Variants in ZNF124 observed in about 807,000 individuals in gnomAD.
The protein encoded by ZNF124 is zinc finger protein HZF-16.
In ZNF124, 25 loss-of-function variants were observed where a neutral mutation model predicts 26.6. The ratio of observed to expected loss-of-function variants is 0.94; its 90% CI spans 0.68 to 1.31. The LOEUF (loss-of-function observed/expected upper bound fraction) is 1.31. Among genes scored for constraint, ZNF124 ranks in the 40% most tolerant of loss-of-function variants. The pLI, the probability that ZNF124 is intolerant of heterozygous loss-of-function variation, is 0.00. For missense variants in ZNF124, 444 were observed against 422.2 expected (o/e 1.05, Z -0.45); for synonymous variants, 129 against 133.3 (o/e 0.97, Z 0.22).
At chr1:247,124,101 T>A (rs369596907) in intron 3 of ZNF124, among the ~76,000 whole-genome samples, 12 of 152,070 alleles carry the variant, frequency 7.9e-5, no homozygotes, top group African/African-American at 2.2e-4. Flanking sequence ...GTGCTGGGAT[T>A]ACAGGCGTGA....
intron 3 of ZNF124, among the ~76,000 whole-genome samples, chr1:247,133,699 G>C (rs1672420934): frequency 6.8e-6 from 1 of 147,964 alleles, no homozygotes. Flanking sequence ...TGTCACCCAG[G>C]CTGGGGTGCA....
At chr1:247,147,704 C>G (rs1304961245) in intron 3 of ZNF124, among the ~76,000 whole-genome samples, 1 of 152,106 alleles carries the variant, frequency 6.6e-6, no homozygotes, top group African/African-American at 2.4e-5. Flanking sequence ...GACTGACCTG[C>G]CCTCTGTGGC....
chr1:247,167,154 A>C (rs2103136542), intron 1 of ZNF124, among the ~76,000 whole-genome samples: 1 of 152,356 alleles, frequency 6.6e-6, no homozygotes, highest in South Asian at 2.1e-4. Context: ...AACCAGCACT[A>C]ACATCACCAT....
chr1:247,169,035 TA>T (rs1462543889), intron 1 of ZNF124, among the ~76,000 whole-genome samples: 1 of 151,616 alleles, frequency 6.6e-6, no homozygotes, highest in Non-Finnish European at 1.5e-5. Context: ...AATATATATA[TA>T]AAGTGGATTT....
chr1:247,142,296 T>G (rs928264531), intron 3 of ZNF124, among the ~76,000 whole-genome samples: 1 of 152,146 alleles, frequency 6.6e-6, no homozygotes, highest in Non-Finnish European at 1.5e-5. Flanking sequence ...ACAGAACCTG[T>G]GGTGGTTGTA....
At chr1:247,124,163 A>C (rs1333710136) in intron 3 of ZNF124, among the ~76,000 whole-genome samples, 1 of 148,934 alleles carries the variant, frequency 6.7e-6, no homozygotes, top group Non-Finnish European at 1.5e-5. Flanking sequence ...CTTTATTGGG[A>C]TCACACACGT....
intron 3 of ZNF124, among the ~76,000 whole-genome samples, chr1:247,130,765 C>G (rs892943693): frequency 4.6e-5 from 7 of 152,184 alleles, no homozygotes; most frequent in African/African-American, 1.4e-4. Flanking sequence ...TCTTCAAACA[C>G]TGAGTATTTT....
At position 247,168,301 on chromosome 1, in the gene ZNF124, G is replaced by A. The variant is rs934625738; in HGVS notation, c.30+3547C>T. On this transcript the variant is annotated intron_variant, in intron 1 of 3. Transcript: ENST00000543802. The surrounding 1 kb of genome is among the most constrained non-coding windows in gnomAD (Gnocchi z 4.0). Reference sequence around the variant, plus strand: ...CCCAGCACTTTGGGAGGCTGAGGCAGGTGGATAACCTGACATCAGGAGTTC... The same window carrying A: ...CCCAGCACTTTGGGAGGCTGAGGCAAGTGGATAACCTGACATCAGGAGTTC... 1.3e-5 allele frequency among the ~76,000 whole-genome samples: 2 copies of A among 152,152 alleles called. No individual in the cohort carries two copies. The highest frequency in any genetic ancestry group is 2.9e-5 in the Non-Finnish European group (2 of 68,036).
chr1:247,135,004 A>G (rs955675259), intron 3 of ZNF124, among the ~76,000 whole-genome samples: 9 of 152,350 alleles, frequency 5.9e-5, no homozygotes, highest in African/African-American at 1.9e-4. Flanking sequence ...ACTGCTAGGT[A>G]AATAATAAAA....
At chr1:247,150,426 A>C (rs1034998873), downstream of ZNF124, among the ~76,000 whole-genome samples, 1 of 152,204 alleles carries the variant, frequency 6.6e-6, no homozygotes, top group Non-Finnish European at 1.5e-5. Flanking sequence ...TGAGGGTGAG[A>C]TATTAACTTG....
At chr1:247,146,639 A>G (rs536280505) in intron 3 of ZNF124, among the ~76,000 whole-genome samples, 28 of 152,332 alleles carry the variant, frequency 1.8e-4, no homozygotes, top group African/African-American at 6.5e-4. Context: ...AGAATTAAGC[A>G]ATGAAAATAT....
chr1:247,165,525 C>T (rs1673731077), intron 1 of ZNF124, among the ~76,000 whole-genome samples: 1 of 152,168 alleles, frequency 6.6e-6, no homozygotes, highest in East Asian at 1.9e-4. Flanking sequence ...GATGAAGATG[C>T]CCAAAGCGAC....
chr1:247,143,406 C>T (rs189449833), intron 3 of ZNF124, among the ~76,000 whole-genome samples: 6 of 152,132 alleles, frequency 3.9e-5, no homozygotes, highest in African/African-American at 7.2e-5. Context: ...CAGGCTTAAC[C>T]GAGAATTTGA....
intron 3 of ZNF124, among the ~76,000 whole-genome samples, chr1:247,127,598 G>A (rs7355112): frequency 0.32 from 43,863 of 139,134 alleles, 4,411 homozygotes; most frequent in African/African-American, 0.39. Context: ...CCCTTGACCT[G>A]ACCGGTTGTG....
chr1:247,141,966 A>T (rs1672640167), intron 3 of ZNF124, among the ~76,000 whole-genome samples: 1 of 152,210 alleles, frequency 6.6e-6, no homozygotes, highest in South Asian at 2.1e-4. Context: ...TCTGTGCTGC[A>T]GTGCAGAACT....
chr1:247,151,828 A>G (rs1672954543), downstream of ZNF124, among the ~76,000 whole-genome samples: 1 of 145,154 alleles, frequency 6.9e-6, no homozygotes, highest in African/African-American at 2.5e-5. Context: ...AAAAAAAAAA[A>G]CCAAAACAAC....
chr1:247,130,501 G>A (rs971350190), intron 3 of ZNF124, among the ~76,000 whole-genome samples: 2 of 152,254 alleles, frequency 1.3e-5, no homozygotes, highest in Non-Finnish European at 2.9e-5. Flanking sequence ...GACAGTGGAT[G>A]ACTCTGTTTC....
intron 3 of ZNF124, among the ~76,000 whole-genome samples, chr1:247,158,487 T>C (rs1296685755): frequency 6.6e-6 from 1 of 152,216 alleles, no homozygotes; most frequent in African/African-American, 2.4e-5. Flanking sequence ...TATTCCTTTA[T>C]AGCAATGCAA....
chr1:247,158,256 A>C (rs1289947731), intron 3 of ZNF124, among the ~76,000 whole-genome samples: 1 of 152,058 alleles, frequency 6.6e-6, no homozygotes, highest in Non-Finnish European at 1.5e-5. Context: ...TCTCAAACAA[A>C]ACAAAACAAA....
Sources: gnomAD v4.1 joint callset for allele counts (sites outside exome capture counted in the v4.1 genomes callset) on GRCh38, gnomAD v4.1.1 for gene constraint, Gnocchi (gnomAD v3.1) non-coding constraint, MANE v1.5 for transcripts, NCBI Gene and HGNC (gene_info 2026-07-23, HGNC 2026-07-21) for gene names.